The following ZNF483 variants were observed in gnomAD, a reference collection of about 807,000 sequenced individuals.
ZNF483 encodes the protein zinc finger protein HIT-10.
In ZNF483, 9 loss-of-function variants were observed where a neutral mutation model predicts 28.6. The observed-to-expected ratio is 0.32, with a 90% CI of 0.19 to 0.55. The LOEUF (loss-of-function observed/expected upper bound fraction) is 0.55, where lower values mean the gene tolerates loss of function less well. ZNF483 is among the 20% of genes least tolerant of loss of function. The pLI, the probability that ZNF483 is intolerant of heterozygous loss-of-function variation, is 0.93. For missense variants in ZNF483, 675 were observed against 871.7 expected (o/e 0.77, Z 2.84); for synonymous variants, 322 against 306.2 (o/e 1.05, Z -0.54).
chr9:111,574,852 T>C, intron 5 of ZNF483: 7 of 1,582,336 alleles, frequency 4.4e-6, no homozygotes, highest in Non-Finnish European at 6.1e-6. Flanking sequence ...CCTAAACAGA[T>C]AGCAAAGACA....
In ZNF483 at chr9:111,527,332, T is replaced by A. The variant is rs1002508026; in HGVS notation, c.-64T>A. 6.5e-7 allele frequency: 1 copy of A among 1,529,880 alleles called. No individual in the cohort carries two copies. Among genetic ancestry groups the A allele is most frequent in the Non-Finnish European group, 8.9e-7 (1 of 1,129,194 alleles). The allele number at this position is 1,529,880 out of a possible 1,614,324, so 94.8% of individuals were successfully genotyped here. On this transcript the variant is annotated 5_prime_UTR_variant, in exon 2 of 6. It adds an upstream start codon to the 5' untranslated region. Coordinates refer to ENST00000309235, the MANE Select transcript of ZNF483 (RefSeq NM_133464.5). ...TATTCCTGGCTGTGTATAGTGCCTG[T>A]TGGTGGACTGTACTGATACTCAACT...
chr9:111,570,204 G>T (rs530800998), intron 5 of ZNF483: 5 of 1,613,154 alleles, frequency 3.1e-6, no homozygotes, highest in African/African-American at 1.3e-5. Context: ...ATCTCTGGGG[G>T]TGGGCCTGTG....
At chr9:111,535,227 G>A (rs539014011) in intron 5 of ZNF483, among the ~76,000 whole-genome samples, 7 of 152,348 alleles carry the variant, frequency 4.6e-5, no homozygotes, top group South Asian at 4.1e-4. Flanking sequence ...TAATATCCCC[G>A]CAGGGGGAGG....
intron 5 of ZNF483, among the ~76,000 whole-genome samples, chr9:111,540,443 G>C (rs1165175006): frequency 6.6e-6 from 1 of 152,218 alleles, no homozygotes; most frequent in African/African-American, 2.4e-5. Flanking sequence ...AGAATTCTGA[G>C]AATAGCGTAA....
intron 5 of ZNF483, among the ~76,000 whole-genome samples, chr9:111,538,047 G>T (rs994546666): frequency 6.6e-6 from 1 of 151,780 alleles, no homozygotes; most frequent in Non-Finnish European, 1.5e-5. Context: ...GATAATTTGT[G>T]TACATTTTAT....
chr9:111,571,702 T>C (rs1564613932), intron 5 of ZNF483, among the ~76,000 whole-genome samples: 1 of 152,112 alleles, frequency 6.6e-6, no homozygotes, highest in African/African-American at 2.4e-5. Flanking sequence ...AGAGATGAGG[T>C]CTTACTCTAT....
In ZNF483 at chr9:111,551,126, T is replaced by C. The variant is rs1827928660; in HGVS notation, c.*7956T>C. On this transcript the variant is annotated 3_prime_UTR_variant, in exon 6 of 6. Transcript: ENST00000309235. ...AAAATAAAACAGGTAAAATTAAAAA[T>C]GTATTTTACTTCACCCAATATATCC... Among the ~76,000 whole-genome samples the C allele has an allele frequency of 1.3e-5, 2 of 152,214 alleles. No homozygotes were observed. The highest frequency in any genetic ancestry group is 4.1e-4 in the South Asian group (2 of 4,832).
chr9:111,573,724 C>T (rs1455962191), intron 5 of ZNF483, among the ~76,000 whole-genome samples: 1 of 152,102 alleles, frequency 6.6e-6, no homozygotes, highest in Non-Finnish European at 1.5e-5. Context: ...CTCTGGTCCT[C>T]TTGGCCATTC....
chr9:111,528,041 T>C (rs1054050752), intron 2 of ZNF483: 10 of 1,439,840 alleles, frequency 6.9e-6, no homozygotes, highest in African/African-American at 2.9e-5. Context: ...AGTTTTCTTG[T>C]AAAGGTGAGA....
At chr9:111,536,183 G>A (rs976925380) in intron 5 of ZNF483, among the ~76,000 whole-genome samples, 8 of 151,134 alleles carry the variant, frequency 5.3e-5, no homozygotes, top group African/African-American at 1.9e-4. Flanking sequence ...GAGCCACTGT[G>A]CCCGGCCACA....
intron 5 of ZNF483, chr9:111,570,260 G>C (rs748350109): frequency 1.3e-6 from 2 of 1,579,112 alleles, no homozygotes; most frequent in Non-Finnish European, 1.7e-6. Context: ...AGGTGCCCAT[G>C]GTGAAACAAG....
In ZNF483 at chr9:111,552,084, C is replaced by A. The variant is rs1827980471; in HGVS notation, c.*8914C>A. Among the ~76,000 whole-genome samples, 1 of 152,186 alleles carries A rather than the reference C, an allele frequency of 6.6e-6. No individual in the cohort carries two copies. Among genetic ancestry groups the A allele is most frequent in the African/African-American group, 2.4e-5 (1 of 41,448 alleles). Reference sequence around the variant, plus strand: ...CCCATTTTAGGAGCTTCAAATTTAGCTTGTTCATATGCAGCGTGATATTAG... The same window carrying A: ...CCCATTTTAGGAGCTTCAAATTTAGATTGTTCATATGCAGCGTGATATTAG... On this transcript the variant is annotated 3_prime_UTR_variant, in exon 6 of 6. Coordinates refer to ENST00000309235, the MANE Select transcript of ZNF483 (RefSeq NM_133464.5).
At position 111,545,440 on chromosome 9, in the gene ZNF483, A is replaced by G. The variant is rs1827783388; in HGVS notation, c.*2270A>G. On this transcript the variant is annotated 3_prime_UTR_variant, in exon 6 of 6. Transcript: ENST00000309235. Reference sequence around the variant, plus strand: ...AGGAATTTATTGAGGTACAAATTACATATCATTAAAACCATTTCAAGTGTA... The same window carrying G: ...AGGAATTTATTGAGGTACAAATTACGTATCATTAAAACCATTTCAAGTGTA... Among the ~76,000 whole-genome samples, 1 of 152,210 alleles carries G rather than the reference A, an allele frequency of 6.6e-6. No individual in the cohort carries two copies. Among genetic ancestry groups the G allele is most frequent in the Admixed American group, 6.5e-5 (1 of 15,276 alleles).
intron 5 of ZNF483, 149 bp downstream of exon 5, chr9:111,534,502 G>A (rs756699161): frequency 9.0e-6 from 6 of 664,402 alleles, no homozygotes; most frequent in African/African-American, 1.8e-5. Flanking sequence ...TCATTTTAGT[G>A]GGGGAGACTT....
At position 111,555,029 on chromosome 9, in the gene ZNF483, G is replaced by A. The variant is rs1442852393; in HGVS notation, c.*11859G>A. Among the ~76,000 whole-genome samples, 1 of 152,168 alleles carries A rather than the reference G, an allele frequency of 6.6e-6. No homozygotes were observed. Among genetic ancestry groups the A allele is most frequent in the Non-Finnish European group, 1.5e-5 (1 of 68,034 alleles). ...CAGAGAAGGATGTTCTAGTCAGCAT[G>A]GGGGATATAAGCCTGGCTACCATTA... On this transcript the variant is annotated 3_prime_UTR_variant, in exon 6 of 6. Transcript: ENST00000309235.
chr9:111,532,107 G>T (rs1311959011), intron 3 of ZNF483, among the ~76,000 whole-genome samples: 1 of 152,156 alleles, frequency 6.6e-6, no homozygotes, highest in Non-Finnish European at 1.5e-5. Flanking sequence ...CTGGGAGTTC[G>T]AGAGCAGTCT....
rs1014366919 is a variant in ZNF483 at position 111,548,906 on chromosome 9, C to G, written c.*5736C>G. On this transcript the variant is annotated 3_prime_UTR_variant, in exon 6 of 6. Coordinates refer to ENST00000309235, the MANE Select transcript of ZNF483 (RefSeq NM_133464.5). ...TTTTGATGAGCAATCAACAGTCTCA[C>G]TGAGGATTTCTTTTATGTGATGATT... 6.6e-6 allele frequency among the ~76,000 whole-genome samples: 1 copy of G among 151,906 alleles called. No homozygotes were observed. Among genetic ancestry groups the G allele is most frequent in the Admixed American group, 6.6e-5 (1 of 15,260 alleles).
chr9:111,573,584 G>T (rs10122818), intron 5 of ZNF483, among the ~76,000 whole-genome samples: 7 of 150,978 alleles, frequency 4.6e-5, no homozygotes, highest in Admixed American at 2.0e-4. Flanking sequence ...TCCTTTTTTG[G>T]GGGGGGACCA....
At chr9:111,536,473 C>T (rs951607108) in intron 5 of ZNF483, among the ~76,000 whole-genome samples, 2 of 152,058 alleles carry the variant, frequency 1.3e-5, no homozygotes, top group Admixed American at 6.6e-5. Flanking sequence ...TGCACTGAGC[C>T]GAGATGGCGC....
Sources: allele counts gnomAD v4.1 joint callset (sites outside exome capture counted in the v4.1 genomes callset), GRCh38; gene constraint gnomAD v4.1.1; transcripts MANE v1.5; gene names NCBI Gene and HGNC (gene_info 2026-07-23, HGNC 2026-07-21).